Variants in MEI4 observed in about 807,000 individuals in gnomAD.
The protein encoded by MEI4 is meiosis-specific protein MEI4.
Under a neutral mutation model 31.4 loss-of-function variants are expected in MEI4, and 27 were observed. The observed-to-expected ratio is 0.86, with a 90% CI of 0.63 to 1.19. The LOEUF (loss-of-function observed/expected upper bound fraction) is 1.19. Ranked by LOEUF, MEI4 falls within the 50% of genes most tolerant of loss-of-function variation. The probability of loss-of-function intolerance (pLI) is 0.00; values close to 1 mark genes in which losing one functional copy is unlikely to be tolerated. For synonymous variants in MEI4, 122 were observed against 145.4 expected (o/e 0.84, Z 1.16); for missense variants, 329 against 398.9 (o/e 0.82, Z 1.49).
At chr6:77,708,783 G>A (rs1216941673) in intron 2 of MEI4, among the ~76,000 whole-genome samples, 2 of 152,092 alleles carry the variant, frequency 1.3e-5, no homozygotes, top group African/African-American at 4.8e-5. Flanking sequence ...TCTTGCCCCT[G>A]TTCTTGGCAC....
chr6:77,832,664 G>T (rs1395290991), intron 4 of MEI4, among the ~76,000 whole-genome samples: 6 of 152,060 alleles, frequency 3.9e-5, no homozygotes, highest in Non-Finnish European at 7.4e-5. Flanking sequence ...TAGGATTAGA[G>T]AGTTTAAATA....
rs1476805524 is a variant in MEI4 at position 77,689,402 on chromosome 6, A to C, written c.-14-1256A>C. On this transcript the variant is annotated intron_variant, in intron 1 of 4. Transcript: ENST00000684080. ...GCTGTGATGAACATATTTTATACAG[A>C]TTTTTGTGTTCATTACTAATTATAA... Among the ~76,000 whole-genome samples the C allele has an allele frequency of 4.6e-5, 7 of 152,024 alleles. 1 individual carries two copies.
At chr6:77,745,108 C>A (rs563167287) in intron 2 of MEI4, among the ~76,000 whole-genome samples, 4 of 152,274 alleles carry the variant, frequency 2.6e-5, no homozygotes, top group Admixed American at 2.0e-4. Flanking sequence ...GGATCAAATT[C>A]ACACATAACA....
At chr6:77,713,868 CG>C (rs1367183687) in intron 2 of MEI4, among the ~76,000 whole-genome samples, 1 of 152,074 alleles carries the variant, frequency 6.6e-6, no homozygotes. Context: ...CAGGAGCCCC[CG>C]TAATAGGTTG....
intron 4 of MEI4, among the ~76,000 whole-genome samples, chr6:77,844,320 G>T (rs1037838660): frequency 6.6e-6 from 1 of 152,162 alleles, no homozygotes; most frequent in East Asian, 1.9e-4. Flanking sequence ...ATGTAGATTT[G>T]GAATTTCTGA....
intron 4 of MEI4, among the ~76,000 whole-genome samples, chr6:77,868,000 T>C (rs1771091297): frequency 6.7e-6 from 1 of 150,344 alleles, no homozygotes; most frequent in South Asian, 2.1e-4. Flanking sequence ...TTCTCACTCA[T>C]AGGTGGGAAT....
At chr6:77,787,861 C>G (rs1004719642) in intron 3 of MEI4, among the ~76,000 whole-genome samples, 30 of 152,228 alleles carry the variant, frequency 2.0e-4, no homozygotes, top group African/African-American at 7.0e-4. Flanking sequence ...ATAGAAACCA[C>G]TTGATCATGG....
intron 3 of MEI4, among the ~76,000 whole-genome samples, chr6:77,761,925 T>C (rs534972328): frequency 6.6e-6 from 1 of 152,328 alleles, no homozygotes; most frequent in South Asian, 2.1e-4. Flanking sequence ...TGTTTTATTA[T>C]CAGCACCCTT....
intron 2 of MEI4, among the ~76,000 whole-genome samples, chr6:77,745,505 C>T (rs913051447): frequency 6.6e-5 from 10 of 152,070 alleles, no homozygotes; most frequent in Non-Finnish European, 1.2e-4. Context: ...ACTTAGACTC[C>T]CACACATTAA....
At chr6:77,733,050 T>G (rs1271513030) in intron 2 of MEI4, among the ~76,000 whole-genome samples, 1 of 151,976 alleles carries the variant, frequency 6.6e-6, no homozygotes, top group South Asian at 2.1e-4. Flanking sequence ...TGAGGATTTT[T>G]GCATCAATGT....
chr6:77,798,950 C>T (rs1582157333), intron 3 of MEI4, among the ~76,000 whole-genome samples: 2 of 151,924 alleles, frequency 1.3e-5, no homozygotes, highest in South Asian at 4.2e-4. Context: ...CCGCAATAAA[C>T]ATACGTGTGC....
chr6:77,891,261 C>T (rs1275977580), intron 4 of MEI4, among the ~76,000 whole-genome samples: 1 of 152,142 alleles, frequency 6.6e-6, no homozygotes, highest in Non-Finnish European at 1.5e-5. Context: ...TCACCTTCTA[C>T]AGCACCGAAA....
intron 3 of MEI4, among the ~76,000 whole-genome samples, chr6:77,798,405 A>G (rs1052569804): frequency 2.6e-5 from 4 of 151,794 alleles, no homozygotes; most frequent in Non-Finnish European, 5.9e-5. Context: ...AGACATTCTA[A>G]TTAAAAGAGA....
chr6:77,921,610 C>G (rs1447936525), intron 4 of MEI4, among the ~76,000 whole-genome samples: 1 of 151,802 alleles, frequency 6.6e-6, no homozygotes, highest in South Asian at 2.1e-4. Context: ...TTTTGACATG[C>G]CTTCTTCACT....
chr6:77,874,452 T>G (rs1771279623), intron 4 of MEI4, among the ~76,000 whole-genome samples: 1 of 152,234 alleles, frequency 6.6e-6, no homozygotes, highest in Admixed American at 6.5e-5. Flanking sequence ...TGCACATTGA[T>G]TTTATATCTT....
At chr6:77,705,119 T>A (rs1290609693) in intron 2 of MEI4, among the ~76,000 whole-genome samples, 2 of 152,290 alleles carry the variant, frequency 1.3e-5, no homozygotes, top group East Asian at 3.9e-4. Context: ...ATAAACATAA[T>A]AGGGATCTAA....
At chr6:77,900,832 TAACAGA>T (rs746091508) in intron 4 of MEI4, among the ~76,000 whole-genome samples, 3 of 151,984 alleles carry the variant, frequency 2.0e-5, no homozygotes, top group Non-Finnish European at 4.4e-5. Flanking sequence ...TCCTTGTATC[TAACAGA>T]AATTTTGTGT....
intron 3 of MEI4, among the ~76,000 whole-genome samples, chr6:77,785,291 C>A (rs1228694279): frequency 6.6e-6 from 1 of 152,090 alleles, no homozygotes; most frequent in Non-Finnish European, 1.5e-5. Flanking sequence ...AAGAGATGAT[C>A]CATAAAGGCC....
In MEI4 at chr6:77,709,595, T is replaced by A. The variant is rs139691152; in HGVS notation, c.232+18692T>A. 3.4e-3 allele frequency among the ~76,000 whole-genome samples: 517 copies of A among 152,330 alleles called. 2 individuals carry two copies. Among genetic ancestry groups the A allele is most frequent in the African/African-American group, 0.012 (503 of 41,576 alleles). ...TCCTTATACATACTTTTTATAGTAC[T>A]TGAACTTTTCTAACTTATTAATAAA... On this transcript the variant is annotated intron_variant, in intron 2 of 4. Transcript: ENST00000684080.
Sources: allele counts gnomAD v4.1 joint callset (sites outside exome capture counted in the v4.1 genomes callset), GRCh38; gene constraint gnomAD v4.1.1; transcripts MANE v1.5; gene names NCBI Gene and HGNC (gene_info 2026-07-23, HGNC 2026-07-21).